ADGRF5: variants seen among roughly 807,000 people sequenced by gnomAD.
ADGRF5 encodes the protein adhesion G protein-coupled receptor F5.
In ADGRF5, 75 loss-of-function variants were observed where a neutral mutation model predicts 132.3. The ratio of observed to expected loss-of-function variants is 0.57; its 90% confidence interval spans 0.47 to 0.69. ADGRF5 has a LOEUF of 0.69. Among genes scored for constraint, ADGRF5 ranks in the 30% least tolerant of loss-of-function variants. The pLI is 0.00. For synonymous variants in ADGRF5, 629 were observed against 597.6 expected, an observed-to-expected ratio of 1.05 and a Z score of -0.77; for missense variants, 1,516 against 1,630.6, an observed-to-expected ratio of 0.93 and a Z score of 1.21.
At chr6:46,874,553 G>A (rs1400266101) in intron 10 of ADGRF5, among the ~76,000 whole-genome samples, 1 of 152,182 alleles carries the variant, frequency 6.6e-6, no homozygotes. Flanking sequence ...TTTCAGAGAA[G>A]GGGAAGATTT....
In ADGRF5 at chr6:46,867,071, T is replaced by A. The variant is rs1581759878; in HGVS notation, c.1688A>T (p.His563Leu). 2 of 1,613,776 alleles carry A rather than the reference T, an allele frequency of 1.2e-6. No individual in the cohort carries two copies. Among genetic ancestry groups the A allele is most frequent in the Non-Finnish European group, 1.7e-6 (2 of 1,179,684 alleles). The change falls in exon 13 of 21, where the codon CAC becomes CTC. Residue 563 changes from histidine to leucine, a missense_variant. His to Leu is a moderately conservative substitution (Grantham distance 99). Coordinates refer to ENST00000283296, the MANE Select transcript of ADGRF5 (RefSeq NM_001098518.2). ...GATGTTCAGCTTTAGAGGCAGCGGG[T>A]GAACAATGACGTCTTTGGTTGCAAT... ...YSIATKDVIV[H>L]PLPLKLNIMV...
At chr6:46,953,613 T>C (rs1778579445) in intron 1 of ADGRF5, among the ~76,000 whole-genome samples, 1 of 67,226 alleles carries the variant, frequency 1.5e-5, no homozygotes, top group Admixed American at 2.0e-4. Context: ...TGAGACACAG[T>C]CTCAGAAAAA....
intron 1 of ADGRF5, among the ~76,000 whole-genome samples, chr6:46,944,097 C>A (rs189512946): frequency 6.6e-6 from 1 of 152,294 alleles, no homozygotes; most frequent in East Asian, 1.9e-4. Flanking sequence ...AGGCAGTGGT[C>A]TCCATCCTCT....
chr6:46,939,971 T>C (rs1033447074), intron 1 of ADGRF5, among the ~76,000 whole-genome samples: 8 of 152,216 alleles, frequency 5.3e-5, no homozygotes, highest in Non-Finnish European at 1.0e-4. Flanking sequence ...GACCCTTGAA[T>C]AACAGGAGTT....
chr6:46,939,245 T>C (rs947972355), intron 1 of ADGRF5, among the ~76,000 whole-genome samples: 2 of 152,126 alleles, frequency 1.3e-5, no homozygotes, highest in East Asian at 3.9e-4. Context: ...CTTCTACCTG[T>C]GGGGCAGGAA....
At position 46,860,629 on chromosome 6, in the gene ADGRF5, T is replaced by C; in HGVS notation, c.2379+86A>G. Reference sequence around the variant, plus strand: ...TCTGGAAAAGACAGAGAAGCTGCAATGGGGAGGAATTACGTTTCTTGAATA... The same window carrying C: ...TCTGGAAAAGACAGAGAAGCTGCAACGGGGAGGAATTACGTTTCTTGAATA... On this transcript the variant is annotated intron_variant, in intron 16 of 20. Transcript: ENST00000283296. The C allele has an allele frequency of 4.4e-6, 4 of 910,028 alleles. No homozygotes were observed. The South Asian group carries it at 6.5e-5, about 15-fold the overall frequency. The allele number at this position is 910,028 out of a possible 1,614,324, so 56.4% of individuals were successfully genotyped here.
At chr6:46,949,186 CT>C (rs1378941179) in intron 1 of ADGRF5, among the ~76,000 whole-genome samples, 1 of 152,066 alleles carries the variant, frequency 6.6e-6, no homozygotes, top group Non-Finnish European at 1.5e-5. Context: ...ATAGCATTTG[CT>C]TATAACTGTT....
Position 46,900,083 on chromosome 6 carries a change from T to G in ADGRF5, c.103A>C (p.Ser35Arg). Residue 35 changes from serine to arginine, a missense_variant and splice_region_variant, in exon 3 of 21, where the codon AGT (serine) becomes CGT (arginine). Coordinates refer to ENST00000283296, the MANE Select transcript of ADGRF5 (RefSeq NM_001098518.2). ...WNYESTIHPL[S>R]LHEHEPAGEE... ...CCAGCTGGTTCATGTTCATGAAGAC[T>G]CTGAAAAGAACATTTGAGAAAGTTG... 6.2e-7 allele frequency: 1 copy of G among 1,610,718 alleles called. No homozygotes were observed. The highest frequency in any genetic ancestry group is 1.1e-5 in the South Asian group (1 of 91,002).
At chr6:46,871,793 A>G (rs1252142767) in intron 11 of ADGRF5, 50 bp downstream of exon 11, 1 of 1,303,348 alleles carries the variant, frequency 7.7e-7, no homozygotes, top group African/African-American at 1.5e-5. Flanking sequence ...GGCAGCACTT[A>G]TTTAAGGTGG....
At chr6:46,914,504 C>A (rs112393662) in intron 1 of ADGRF5, among the ~76,000 whole-genome samples, 40 of 152,294 alleles carry the variant, frequency 2.6e-4, no homozygotes, top group African/African-American at 9.6e-4. Context: ...CCTGCAGCAG[C>A]ATTGTGTCAG....
rs926993653 is a variant in ADGRF5, at chr6:46,871,394, G to T, written c.1411+449C>A. On this transcript the variant is annotated intron_variant, in intron 11 of 20. Transcript: ENST00000283296. The stretch of plus-strand genomic sequence containing the variant: ...ATTGTCTCTGGAACAGGTGAAATGG[G>T]AGAGGAGGAATGAGGAAGGGTGTTG... 6.6e-5 allele frequency among the ~76,000 whole-genome samples: 10 copies of T among 152,284 alleles called. No homozygotes were observed. The East Asian group carries it at 1.7e-3, about 26-fold the overall frequency.
At chr6:46,864,020 A>G (rs965603050) in intron 14 of ADGRF5, among the ~76,000 whole-genome samples, 2 of 152,220 alleles carry the variant, frequency 1.3e-5, no homozygotes, top group African/African-American at 4.8e-5. Context: ...CAAACTATTC[A>G]GTAAACTCAA....
intron 1 of ADGRF5, among the ~76,000 whole-genome samples, chr6:46,933,188 G>A (rs181375756): frequency 8.5e-5 from 13 of 152,310 alleles, no homozygotes; most frequent in Admixed American, 4.6e-4. Context: ...TGAGCTTAGG[G>A]GAACTAAATA....
At chr6:46,950,803 G>A (rs1303361365) in intron 1 of ADGRF5, among the ~76,000 whole-genome samples, 1 of 152,174 alleles carries the variant, frequency 6.6e-6, no homozygotes, top group Non-Finnish European at 1.5e-5. Flanking sequence ...ATGAGCCACT[G>A]CGCCTGGCTG....
intron 10 of ADGRF5, among the ~76,000 whole-genome samples, chr6:46,874,597 T>C (rs527637921): frequency 2.6e-5 from 4 of 152,326 alleles, no homozygotes; most frequent in Middle Eastern, 3.4e-3. Flanking sequence ...AGGATTTTAA[T>C]AGATAGAAAT....
intron 9 of ADGRF5, 119 bp from the exon 10 acceptor site, chr6:46,878,524 T>C (rs1417289244): frequency 2.9e-6 from 2 of 679,190 alleles, no homozygotes; most frequent in Non-Finnish European, 5.0e-6. Flanking sequence ...CAAAAGCATC[T>C]GAGACTTGGT....
intron 1 of ADGRF5, among the ~76,000 whole-genome samples, chr6:46,939,129 C>T (rs1777960594): frequency 6.6e-6 from 1 of 152,220 alleles, no homozygotes; most frequent in South Asian, 2.1e-4. Flanking sequence ...CTGGGCCTCC[C>T]AAGTTGCTGG....
chr6:46,897,995 A>T (rs1339576685), intron 3 of ADGRF5, among the ~76,000 whole-genome samples: 1 of 152,066 alleles, frequency 6.6e-6, no homozygotes, highest in Non-Finnish European at 1.5e-5. Context: ...TTCCCAAATG[A>T]CTCTAGAGGC....
intron 20 of ADGRF5, chr6:46,854,863 T>C: frequency 1.8e-6 from 1 of 541,982 alleles, no homozygotes; most frequent in East Asian, 7.0e-5. Flanking sequence ...GAAGTGAAGG[T>C]CCACCAGTTT....
Sources: allele counts gnomAD v4.1 joint callset (sites outside exome capture counted in the v4.1 genomes callset), GRCh38; gene constraint gnomAD v4.1.1; transcripts MANE v1.5; gene names NCBI Gene and HGNC (gene_info 2026-07-23, HGNC 2026-07-21).